CDH4: variants seen among roughly 807,000 people sequenced by gnomAD.
CDH4 encodes the protein cadherin-4.
Under a neutral mutation model 86.0 loss-of-function variants are expected in CDH4, and 33 were observed. That is an observed-to-expected ratio of 0.38 (90% CI 0.29 to 0.51). CDH4 has a LOEUF of 0.51. Ranked by LOEUF, CDH4 falls within the 20% of genes least tolerant of loss-of-function variation. The pLI is 0.86. For missense variants in CDH4, 1,114 were observed against 1,307.4 expected (o/e 0.85, Z 2.28); for synonymous variants, 555 against 549.4 (o/e 1.01, Z -0.14).
intron 3 of CDH4, among the ~76,000 whole-genome samples, chr20:61,747,853 A>C (rs1439251988): frequency 2.6e-5 from 4 of 152,226 alleles, no homozygotes; most frequent in Non-Finnish European, 5.9e-5. Context: ...ATATTTGAAA[A>C]TATAGTGGCA....
intron 2 of CDH4, among the ~76,000 whole-genome samples, chr20:61,258,804 G>A (rs1211663423): frequency 2.0e-5 from 3 of 152,290 alleles, no homozygotes; most frequent in East Asian, 1.9e-4. Flanking sequence ...GGTTCCAGTC[G>A]TTGCTTCTGA....
At chr20:61,572,898 C>T (rs75471293) in intron 2 of CDH4, among the ~76,000 whole-genome samples, 6,146 of 145,916 alleles carry the variant, frequency 0.042, 248 homozygotes, top group African/African-American at 0.1. Flanking sequence ...GATGGACAGA[C>T]GGATGGATGA....
intron 2 of CDH4, among the ~76,000 whole-genome samples, chr20:61,372,791 C>T (rs1010133238): frequency 5.9e-5 from 9 of 152,176 alleles, no homozygotes; most frequent in African/African-American, 9.6e-5. Flanking sequence ...GAGGGATGGC[C>T]GACTCCTAGT....
chr20:61,779,647 A>G (rs1198629805), intron 4 of CDH4, among the ~76,000 whole-genome samples: 2 of 152,246 alleles, frequency 1.3e-5, no homozygotes, highest in Non-Finnish European at 2.9e-5. Flanking sequence ...ACATCCAGCC[A>G]CAAATACTTA....
At chr20:61,722,605 C>A (rs1400676582) in intron 2 of CDH4, among the ~76,000 whole-genome samples, 1 of 152,066 alleles carries the variant, frequency 6.6e-6, no homozygotes, top group African/African-American at 2.4e-5. Context: ...CACTCTGTCC[C>A]AAGGACTCTG....
At chr20:61,812,688 G>A (rs1980500063) in intron 4 of CDH4, among the ~76,000 whole-genome samples, 1 of 152,224 alleles carries the variant, frequency 6.6e-6, no homozygotes, top group South Asian at 2.1e-4. Context: ...CTCCTTGCCA[G>A]CCAACGCCCT....
chr20:61,330,243 G>A (rs1417096450), intron 2 of CDH4, among the ~76,000 whole-genome samples: 1 of 152,048 alleles, frequency 6.6e-6, no homozygotes, highest in Non-Finnish European at 1.5e-5. Context: ...AGATCTTTCT[G>A]GTTCTAGATC....
intron 2 of CDH4, among the ~76,000 whole-genome samples, chr20:61,620,179 T>TGGGGGGGG (rs2086760348): frequency 1.1e-5 from 1 of 91,480 alleles, no homozygotes; most frequent in Non-Finnish European, 2.3e-5. Flanking sequence ...GATGGATGGG[T>TGGGGGGGG]GGGTGGGTGG....
At chr20:61,686,462 CATTTGCGTGTATATGTGCGTGT>C (rs2087575966) in intron 2 of CDH4, among the ~76,000 whole-genome samples, 1 of 134,960 alleles carries the variant, frequency 7.4e-6, no homozygotes, top group African/African-American at 2.8e-5. Flanking sequence ...CGTGTGTGTG[CATTTGCGTGTATATGTGCGTGT>C]GTGTGCATTC....
At chr20:61,595,699 G>A (rs189637474) in intron 2 of CDH4, among the ~76,000 whole-genome samples, 41 of 152,330 alleles carry the variant, frequency 2.7e-4, no homozygotes, top group Non-Finnish European at 4.4e-4. Context: ...GGCTCGTTTC[G>A]ATACTAGAGG....
chr20:61,430,588 G>A (rs1230963310), intron 2 of CDH4, among the ~76,000 whole-genome samples: 2 of 152,100 alleles, frequency 1.3e-5, no homozygotes, highest in Non-Finnish European at 1.5e-5. Flanking sequence ...GGGCCGCCGT[G>A]TTCTGAATCA....
intron 2 of CDH4, among the ~76,000 whole-genome samples, chr20:61,364,871 C>T (rs79176613): frequency 0.02 from 2,990 of 152,304 alleles, 41 homozygotes; most frequent in Non-Finnish European, 0.03. Context: ...GTGGTGACAG[C>T]ACCTGTTGGA....
At chr20:61,566,691 A>C (rs1023987242) in intron 2 of CDH4, among the ~76,000 whole-genome samples, 2 of 152,002 alleles carry the variant, frequency 1.3e-5, no homozygotes, top group African/African-American at 4.8e-5. Flanking sequence ...AAACTTCACT[A>C]AATCACTTTC....
intron 2 of CDH4, among the ~76,000 whole-genome samples, chr20:61,446,221 T>C (rs1225509095): frequency 6.6e-6 from 1 of 152,238 alleles, no homozygotes; most frequent in Non-Finnish European, 1.5e-5. Flanking sequence ...ATACATTTAT[T>C]AGACCAAGGC....
intron 2 of CDH4, among the ~76,000 whole-genome samples, chr20:61,565,263 GTGGTGGTCCTCTTGGTGATGGGGTGA>G (rs2086274731): frequency 1.2e-4 from 14 of 119,040 alleles, no homozygotes; most frequent in Non-Finnish European, 2.6e-4. Context: ...GGTGATGGTG[GTGGTGGTCCTCTTGGTGATGGGGTGA>G]TGGTGGTGGC....
At chr20:61,412,686 C>T (rs1447374333) in intron 2 of CDH4, among the ~76,000 whole-genome samples, 1 of 152,220 alleles carries the variant, frequency 6.6e-6, no homozygotes, top group Non-Finnish European at 1.5e-5. Context: ...GTGGTGGTCT[C>T]TGCCAGCTCC....
rs1461699797 is a variant in CDH4 at position 61,269,680 on chromosome 20, T to C, written c.169+14743T>C. 2.0e-5 allele frequency among the ~76,000 whole-genome samples: 3 copies of C among 152,186 alleles called. No homozygotes were observed. The highest frequency in any genetic ancestry group is 2.0e-4 in the Admixed American group (3 of 15,280). On this transcript the variant is annotated intron_variant, in intron 2 of 15. Transcript: ENST00000614565. The surrounding 1 kb of genome is among the most constrained non-coding windows in gnomAD (Gnocchi z 5.3). ...CCCTGCTCCGCCAAGCAGACCCCAGTCCTGCCAGAGCTGCCCTCCTGCTCT... is the reference window on the plus strand; with the variant it reads ...CCCTGCTCCGCCAAGCAGACCCCAGCCCTGCCAGAGCTGCCCTCCTGCTCT...
At chr20:61,614,131 T>C (rs954091638) in intron 2 of CDH4, among the ~76,000 whole-genome samples, 3 of 151,982 alleles carry the variant, frequency 2.0e-5, no homozygotes, top group South Asian at 2.1e-4. Flanking sequence ...GTGTTACGAG[T>C]GTCTCTATGC....
intron 2 of CDH4, among the ~76,000 whole-genome samples, chr20:61,739,735 C>G (rs1435146682): frequency 1.3e-5 from 2 of 152,346 alleles, no homozygotes; most frequent in African/African-American, 4.8e-5. Flanking sequence ...AAGGACTGCC[C>G]ACTGCTGGCC....
Sources: gnomAD v4.1 joint callset for allele counts (sites outside exome capture counted in the v4.1 genomes callset) on GRCh38, gnomAD v4.1.1 for gene constraint, Gnocchi (gnomAD v3.1) non-coding constraint, MANE v1.5 for transcripts, NCBI Gene and HGNC (gene_info 2026-07-23, HGNC 2026-07-21) for gene names.